The following LOC122455342 variants were observed in gnomAD, a reference collection of about 807,000 sequenced individuals.
chr17:76,569,259 G>A, the LOC122455342 span: 1 of 360,650 alleles, frequency 2.8e-6, no homozygotes, highest in Non-Finnish European at 4.8e-6. Flanking sequence ...TATAGGACGG[G>A]ATGTTCTGAA....
At chr17:76,568,880 A>T in the LOC122455342 span, 1 of 1,358,016 alleles carries the variant, frequency 7.4e-7, no homozygotes, top group South Asian at 1.2e-5. Context: ...AGGGCGCCGG[A>T]GTAGCCGCGG....
At chr17:76,569,322 G>A in the LOC122455342 span, 2 of 222,294 alleles carry the variant, frequency 9.0e-6, no homozygotes, top group Non-Finnish European at 1.6e-5. Flanking sequence ...AGGACTTGGG[G>A]GGCACAGCGG....
At chr17:76,568,878 G>A in the LOC122455342 span, 6 of 1,384,936 alleles carry the variant, frequency 4.3e-6, no homozygotes, top group African/African-American at 2.9e-5. Flanking sequence ...TCAGGGCGCC[G>A]GAGTAGCCGC....
At chr17:76,569,335 G>C in the LOC122455342 span, 4 of 359,568 alleles carry the variant, frequency 1.1e-5, no homozygotes, top group Non-Finnish European at 1.9e-5. Flanking sequence ...CACAGCGGGG[G>C]TTAGGGAAGG....
the LOC122455342 span, chr17:76,568,809 A>G: frequency 2.7e-4 from 433 of 1,612,604 alleles, 2 homozygotes; most frequent in African/African-American, 5.4e-3. Flanking sequence ...AGGACCCATG[A>G]TAGAAGTGGA....
the LOC122455342 span, chr17:76,569,407 G>A: frequency 2.6e-6 from 1 of 379,250 alleles, no homozygotes; most frequent in East Asian, 3.7e-5. Context: ...TGGGGTGGGG[G>A]TTTGGGCAGC....
At chr17:76,569,429 C>T in the LOC122455342 span, 10 of 296,358 alleles carry the variant, frequency 3.4e-5, no homozygotes, top group Non-Finnish European at 5.4e-5. Flanking sequence ...CCGCGGGGCA[C>T]GTGTTGGACC....
the LOC122455342 span, chr17:76,569,490 TG>T: frequency 1.3e-5 from 1 of 76,894 alleles, no homozygotes; most frequent in East Asian, 1.5e-4. Flanking sequence ...GTGAGGCATT[TG>T]GGGTGGGAGG....
chr17:76,569,274 C>T, the LOC122455342 span: 2 of 371,626 alleles, frequency 5.4e-6, no homozygotes, highest in Non-Finnish European at 9.1e-6. Context: ...TCTGAATTGG[C>T]CCGATATAGG....
At chr17:76,569,592 GGACTGGGAGGGA>G in the LOC122455342 span, 11 of 397,600 alleles carry the variant, frequency 2.8e-5, no homozygotes, top group Non-Finnish European at 4.0e-5. Context: ...TGTTGGAACG[GGACTGGGAGGGA>G]GACTGGGTAG....
At chr17:76,569,085 G>T in the LOC122455342 span, 1 of 136,196 alleles carries the variant, frequency 7.3e-6, no homozygotes, top group Non-Finnish European at 1.3e-5. Context: ...GGGGGTGGTG[G>T]GGGGGCGGGG....
At chr17:76,569,391 G>A in the LOC122455342 span, 3 of 394,346 alleles carry the variant, frequency 7.6e-6, no homozygotes, top group Non-Finnish European at 1.3e-5. Context: ...GAGATTTGGA[G>A]GTGGGTGGGG....
chr17:76,569,223 C>A, the LOC122455342 span: 2 of 346,216 alleles, frequency 5.8e-6, no homozygotes, highest in Non-Finnish European at 9.5e-6. Context: ...GGGGCTCCTT[C>A]AGAAAGCGGG....
At chr17:76,569,064 G>C in the LOC122455342 span, 1 of 118,218 alleles carries the variant, frequency 8.5e-6, no homozygotes, top group South Asian at 5.0e-4. Flanking sequence ...TTGGGAAGGG[G>C]CAGTTAAACT....
chr17:76,569,368 C>T, the LOC122455342 span: 8 of 390,962 alleles, frequency 2.0e-5, no homozygotes, highest in African/African-American at 1.7e-4. Flanking sequence ...GGATTTGAAA[C>T]CAGACTGGGA....
At chr17:76,569,351 G>C in the LOC122455342 span, 1 of 392,518 alleles carries the variant, frequency 2.5e-6, no homozygotes, top group Non-Finnish European at 4.5e-6. Context: ...GAAGGGTTTC[G>C]AGAGAGGGAT....
At chr17:76,568,978 G>A in the LOC122455342 span, 3 of 597,200 alleles carry the variant, frequency 5.0e-6, no homozygotes, top group South Asian at 2.0e-5. Flanking sequence ...GACCACGTGC[G>A]GCTTCCCGCT....
At chr17:76,569,450 G>A in the LOC122455342 span, 1 of 373,618 alleles carries the variant, frequency 2.7e-6, no homozygotes, top group East Asian at 3.8e-5. Flanking sequence ...TGAGGACTGG[G>A]GTTCAGGGAC....
At chr17:76,568,996 A>G in the LOC122455342 span, 2 of 374,032 alleles carry the variant, frequency 5.3e-6, no homozygotes, top group East Asian at 6.1e-5. Context: ...GCTCACCAGG[A>G]CCTCCACGGG....
Sources: allele counts gnomAD v4.1 joint callset, GRCh38; gene constraint gnomAD v4.1.1; transcripts MANE v1.5.